C9orf153: variants seen among roughly 807,000 people sequenced by gnomAD.
The protein encoded by C9orf153 is uncharacterized protein C9orf153.
Under a neutral mutation model 9.0 loss-of-function variants are expected in C9orf153, and 10 were observed. That is an observed-to-expected ratio of 1.11 (90% CI 0.69 to 1.89). C9orf153 has a LOEUF of 1.89. Among genes scored for constraint, C9orf153 ranks in the 40% most tolerant of loss-of-function variants. C9orf153 has a pLI of 0.00. For missense variants in C9orf153, 108 were observed against 111.0 expected (o/e 0.97, Z 0.12); for synonymous variants, 35 against 37.3 (o/e 0.94, Z 0.23).
intron 1 of C9orf153, among the ~76,000 whole-genome samples, chr9:86,251,540 G>A (rs531557096): frequency 6.6e-6 from 1 of 151,928 alleles, no homozygotes; most frequent in Non-Finnish European, 1.5e-5. Context: ...AAAGTAGAAT[G>A]TGGTTTTGGG....
At chr9:86,233,712 C>A (rs541093998) in intron 1 of C9orf153, among the ~76,000 whole-genome samples, 7 of 152,122 alleles carry the variant, frequency 4.6e-5, no homozygotes, top group African/African-American at 1.7e-4. Flanking sequence ...CCACTGTGCT[C>A]GTCCAATTTA....
At position 86,221,511 on chromosome 9, in the gene C9orf153, A is replaced by G. The variant is rs1197207596; in HGVS notation, c.*177T>C. The G allele has an allele frequency of 2.0e-5, 28 of 1,368,946 alleles. No individual in the cohort carries two copies. The highest frequency in any genetic ancestry group is 2.5e-5 in the Non-Finnish European group (27 of 1,062,702). The allele number at this position is 1,368,946 out of a possible 1,614,324, so 84.8% of individuals were successfully genotyped here. ...TTTAATACACTACATATTCCATTTAAGAGAATAACTTCCTTCATTTTGATA... is the reference window on the plus strand; with the variant it reads ...TTTAATACACTACATATTCCATTTAGGAGAATAACTTCCTTCATTTTGATA... On this transcript the variant is annotated 3_prime_UTR_variant, in exon 4 of 4. Coordinates refer to ENST00000339137, the MANE Select transcript of C9orf153 (RefSeq NM_001276366.4).
chr9:86,227,897 G>T lies in C9orf153; in HGVS notation c.200C>A (p.Thr67Asn). ...ATCTCCTCTCACATCAGCGCCCCTG[G>T]TGAATGACATGACATTCAGGTTTCT... ...LARNLNVMSF[T>N]RGADVRGDLQ... is the part of the protein sequence containing the mutation. Residue 67 changes from threonine (T) to asparagine (N), a missense_variant, in exon 3 of 4, where the codon ACC becomes AAC. By Grantham distance (65) the Thr-to-Asn change is moderately conservative. Transcript: ENST00000339137. The T allele has an allele frequency of 6.2e-7, 1 of 1,613,686 alleles. No homozygotes were observed. The highest frequency in any genetic ancestry group is 1.3e-5 in the African/African-American group (1 of 74,974).
intron 1 of C9orf153, among the ~76,000 whole-genome samples, chr9:86,240,826 A>G (rs563643677): frequency 7.6e-5 from 11 of 145,012 alleles, no homozygotes; most frequent in African/African-American, 2.8e-4. Flanking sequence ...CTTCTACCTC[A>G]GCCTCCCGAG....
At chr9:86,239,379 T>A (rs1305805232) in intron 1 of C9orf153, among the ~76,000 whole-genome samples, 4 of 152,096 alleles carry the variant, frequency 2.6e-5, no homozygotes, top group Non-Finnish European at 5.9e-5. Flanking sequence ...TATTTTACAA[T>A]GAAGATTTAT....
At chr9:86,248,423 C>T (rs547085933) in intron 1 of C9orf153, among the ~76,000 whole-genome samples, 3 of 152,272 alleles carry the variant, frequency 2.0e-5, no homozygotes, top group Non-Finnish European at 2.9e-5. Flanking sequence ...CGTGAGCCAC[C>T]GTGCCCAGCC....
At chr9:86,236,030 T>C (rs1824578497) in intron 1 of C9orf153, among the ~76,000 whole-genome samples, 1 of 152,060 alleles carries the variant, frequency 6.6e-6, no homozygotes, top group Non-Finnish European at 1.5e-5. Context: ...AGGTATATCA[T>C]ATTCATACTG....
chr9:86,248,809 C>G (rs989874442), intron 1 of C9orf153, among the ~76,000 whole-genome samples: 1 of 152,122 alleles, frequency 6.6e-6, no homozygotes, highest in Non-Finnish European at 1.5e-5. Context: ...CTAGGTCAAC[C>G]TTCTCATCAA....
chr9:86,258,485 A>T (rs1301749291), intron 1 of C9orf153: 1 of 152,136 alleles, frequency 6.6e-6, no homozygotes, highest in African/African-American at 2.4e-5. Context: ...TTGCCCAAAG[A>T]ACGGCCCTCC....
At chr9:86,229,445 G>A (rs1824414021) in intron 2 of C9orf153, 93 bp downstream of exon 2, 3 of 842,130 alleles carry the variant, frequency 3.6e-6, no homozygotes, top group South Asian at 3.1e-5. Flanking sequence ...TGGCTCCCAA[G>A]TGTGTCACTG....
chr9:86,256,541 A>C (rs1467939960), intron 1 of C9orf153, among the ~76,000 whole-genome samples: 1 of 152,232 alleles, frequency 6.6e-6, no homozygotes, highest in Non-Finnish European at 1.5e-5. Context: ...GAACAAAATG[A>C]GATTTCTGGG....
intron 1 of C9orf153, among the ~76,000 whole-genome samples, chr9:86,251,914 TACACACACACACAC>T (rs34620205): frequency 7.1e-6 from 1 of 140,156 alleles, no homozygotes; most frequent in Non-Finnish European, 1.5e-5. Context: ...TTAGGTAAAC[TACACACACACACAC>T]ACACACACAC....
intron 1 of C9orf153, among the ~76,000 whole-genome samples, chr9:86,230,258 T>C (rs373219967): frequency 6.6e-6 from 1 of 152,270 alleles, no homozygotes; most frequent in Non-Finnish European, 1.5e-5. Context: ...TTAGTTTTAA[T>C]ACTAGTGTAA....
At chr9:86,239,833 A>G (rs1824692339) in intron 1 of C9orf153, among the ~76,000 whole-genome samples, 2 of 152,182 alleles carry the variant, frequency 1.3e-5, no homozygotes, top group African/African-American at 4.8e-5. Flanking sequence ...TTACATTGTG[A>G]TCTGCTTGAA....
intron 1 of C9orf153, among the ~76,000 whole-genome samples, chr9:86,238,103 A>C (rs1824641689): frequency 6.6e-6 from 1 of 152,126 alleles, no homozygotes; most frequent in East Asian, 1.9e-4. Context: ...AAAACAAAAC[A>C]AAACAAAAAA....
chr9:86,224,613 A>G (rs951280930), intron 3 of C9orf153, among the ~76,000 whole-genome samples: 2 of 152,076 alleles, frequency 1.3e-5, no homozygotes, highest in African/African-American at 4.8e-5. Flanking sequence ...ACACTATTGA[A>G]ACATATATTG....
At chr9:86,243,637 C>T (rs1354524725) in intron 1 of C9orf153, among the ~76,000 whole-genome samples, 3 of 152,054 alleles carry the variant, frequency 2.0e-5, no homozygotes, top group Non-Finnish European at 4.4e-5. Context: ...TAACAGGTGA[C>T]AAAACTGCAT....
Position 86,226,921 on chromosome 9 carries a change from C to T in C9orf153, c.242+934G>A, listed in dbSNP as rs547200116. 9.2e-5 allele frequency among the ~76,000 whole-genome samples: 14 copies of T among 152,210 alleles called. No individual in the cohort carries two copies. In the East Asian group the frequency reaches 1.2e-3, roughly 13 times the overall value. ...CTGGGATTATAGGCACCCACCACCA[C>T]GCCCAGCTAATTTTTTGTATTTTTA... On this transcript the variant is annotated intron_variant, in intron 3 of 3. Coordinates refer to ENST00000339137, the MANE Select transcript of C9orf153 (RefSeq NM_001276366.4).
In C9orf153 at chr9:86,229,704, C is replaced by A. The variant is rs1471383003; in HGVS notation, c.-26-75G>T. 4 of 794,296 alleles carry A rather than the reference C, an allele frequency of 5.0e-6. 1 individual carries two copies. The highest frequency in any genetic ancestry group is 8.2e-6 in the Non-Finnish European group (4 of 490,156). 49.2% of individuals were successfully genotyped at this position (794,296 alleles called of 1,614,324 possible). Reference sequence around the variant, plus strand: ...ATAGAATACAAAGGGGGAGGTGAGACTTCTTAAATCTTAATAAATTTGTGA... The same window carrying A: ...ATAGAATACAAAGGGGGAGGTGAGAATTCTTAAATCTTAATAAATTTGTGA... On this transcript the variant is annotated intron_variant, in intron 1 of 3. Coordinates refer to ENST00000339137, the MANE Select transcript of C9orf153 (RefSeq NM_001276366.4).
Sources: allele counts gnomAD v4.1 joint callset (sites outside exome capture counted in the v4.1 genomes callset), GRCh38; gene constraint gnomAD v4.1.1; transcripts MANE v1.5; gene names NCBI Gene and HGNC (gene_info 2026-07-23, HGNC 2026-07-21).